Variants in DNAH14 observed in about 807,000 individuals in gnomAD.
DNAH14 encodes axonemal beta dynein heavy chain 14.
A neutral mutation model predicts 520.9 loss-of-function variants in DNAH14; 478 were observed. That is an observed-to-expected ratio of 0.92 (90% CI 0.85 to 0.99). The LOEUF is 0.99. DNAH14 is among the 50% of genes least tolerant of loss of function. The pLI is 0.00. For synonymous variants in DNAH14, 1,581 were observed against 1,757.2 expected, an observed-to-expected ratio of 0.90 and a Z score of 2.51; for missense variants, 4,831 against 5,234.5, an observed-to-expected ratio of 0.92 and a Z score of 2.38.
intron 6 of DNAH14, 137 bp downstream of exon 6, chr1:224,967,720 C>T (rs2061271898): frequency 3.2e-6 from 5 of 1,580,532 alleles, no homozygotes; most frequent in Non-Finnish European, 4.3e-6. Context: ...ATATAAGAAT[C>T]TCCTTGGGAG....
intron 44 of DNAH14, 107 bp from the exon 45 acceptor site, chr1:225,257,853 T>C (rs771822218): frequency 1.0e-6 from 1 of 962,842 alleles, no homozygotes; most frequent in Middle Eastern, 3.0e-4. Flanking sequence ...ACTTTTCATA[T>C]ATACAATTAA....
At chr1:225,146,544 G>T (rs1006797174) in intron 30 of DNAH14, among the ~76,000 whole-genome samples, 1 of 152,222 alleles carries the variant, frequency 6.6e-6, no homozygotes, top group African/African-American at 2.4e-5. Flanking sequence ...GCCAGCCTGG[G>T]CCTGCACTCT....
rs2084562625 is a variant in DNAH14 at position 225,185,358 on chromosome 1, A to G, written c.5603A>G (p.Glu1868Gly). 6.5e-7 allele frequency: 1 copy of G among 1,548,160 alleles called. No individual in the cohort carries two copies. Among genetic ancestry groups the G allele is most frequent in the Admixed American group, 2.0e-5 (1 of 50,380 alleles). The change falls in exon 37 of 86, where the codon GAA (glutamate) becomes GGA (glycine). Residue 1868 changes from glutamate (E) to glycine (G), a missense_variant. Coordinates refer to ENST00000682510, the MANE Select transcript of DNAH14 (RefSeq NM_001367479.1). ...GGKTTVRRILEKALTLLPIAD... is the reference protein window; with the variant it reads ...GGKTTVRRILGKALTLLPIAD... ...AAGACAACAGTCAGAAGAATTTTGG[A>G]AAAAGCATTAACGCTATTACCAATT...
intron 11 of DNAH14, among the ~76,000 whole-genome samples, chr1:225,033,089 C>T (rs946357312): frequency 2.0e-5 from 3 of 152,062 alleles, no homozygotes; most frequent in Non-Finnish European, 2.9e-5. Context: ...TAATTAGATC[C>T]TGTTTGTCAA....
chr1:225,373,656 C>A (rs2095647673), intron 77 of DNAH14, among the ~76,000 whole-genome samples: 2 of 152,106 alleles, frequency 1.3e-5, no homozygotes, highest in Non-Finnish European at 2.9e-5. Flanking sequence ...TCAATGGTGG[C>A]CTCAAGGGAG....
intron 30 of DNAH14, among the ~76,000 whole-genome samples, chr1:225,146,870 A>G (rs2079996234): frequency 1.4e-5 from 2 of 147,086 alleles, no homozygotes; most frequent in South Asian, 4.2e-4. Context: ...CCCTGTGAGC[A>G]TCAGAGTTTG....
In DNAH14 at chr1:225,104,312, T is replaced by C. The variant is rs911439664; in HGVS notation, c.3867+3428T>C. On this transcript the variant is annotated intron_variant, in intron 23 of 85. Coordinates refer to ENST00000682510, the MANE Select transcript of DNAH14 (RefSeq NM_001367479.1). ...CAGTATTTTATTGAGGATTTTTGCA[T>C]TGATGTTCATCAGGGATATTGGTCT... Among the ~76,000 whole-genome samples, 4 of 152,332 alleles carry C rather than the reference T, an allele frequency of 2.6e-5. No individual in the cohort carries two copies. In the South Asian group the frequency reaches 6.2e-4, roughly 24 times the overall value.
intron 22 of DNAH14, among the ~76,000 whole-genome samples, chr1:225,099,351 G>T (rs1433104452): frequency 2.0e-5 from 3 of 152,178 alleles, no homozygotes; most frequent in Non-Finnish European, 4.4e-5. Context: ...GGGCAAGGAA[G>T]AAGTGCAGGA....
intron 71 of DNAH14, 80 bp downstream of exon 71, chr1:225,346,734 T>G: frequency 9.1e-7 from 1 of 1,099,176 alleles, no homozygotes; most frequent in Non-Finnish European, 1.3e-6. Flanking sequence ...TCCAAGTCAA[T>G]GCCTCTATAA....
At chr1:225,152,641 T>G in intron 32 of DNAH14, 56 bp from the exon 33 acceptor site, 1 of 1,438,970 alleles carries the variant, frequency 6.9e-7, no homozygotes, top group Non-Finnish European at 9.3e-7. Flanking sequence ...TGTGATTCCT[T>G]ATTTGAAAAA....
At chr1:225,177,400 C>T (rs2083447952) in intron 36 of DNAH14, among the ~76,000 whole-genome samples, 1 of 152,158 alleles carries the variant, frequency 6.6e-6, no homozygotes, top group African/African-American at 2.4e-5. Flanking sequence ...ATCTCATTTT[C>T]TGAGGAGAAA....
chr1:225,229,245 A>G (rs2090862765), intron 41 of DNAH14, among the ~76,000 whole-genome samples: 1 of 152,166 alleles, frequency 6.6e-6, no homozygotes, highest in Non-Finnish European at 1.5e-5. Flanking sequence ...CCGTCGCTCA[A>G]CCAGAGTCTT....
intron 79 of DNAH14, among the ~76,000 whole-genome samples, 196 bp downstream of exon 79, chr1:225,377,632 C>T (rs1472041069): frequency 6.6e-6 from 1 of 151,902 alleles, no homozygotes; most frequent in African/African-American, 2.4e-5. Context: ...TAGTGGTGAG[C>T]ACCTGTAGTC....
chr1:225,192,652 G>A, intron 37 of DNAH14, 44 bp from the exon 38 acceptor site: 1 of 1,328,082 alleles, frequency 7.5e-7, no homozygotes, highest in African/African-American at 1.5e-5. Flanking sequence ...TAAATAATTG[G>A]TCTATAGTTA....
chr1:224,934,106 A>G (rs1193025281), intron 1 of DNAH14, among the ~76,000 whole-genome samples: 1 of 152,040 alleles, frequency 6.6e-6, no homozygotes, highest in African/African-American at 2.4e-5. Context: ...TATCAGCATA[A>G]AAACATAAAA....
chr1:224,944,320 CT>C (rs2059642106), intron 1 of DNAH14, among the ~76,000 whole-genome samples: 1 of 151,986 alleles, frequency 6.6e-6, no homozygotes, highest in Admixed American at 6.6e-5. Context: ...ATTGCAACCC[CT>C]TTTTTTGTTT....
chr1:225,361,470 AATG>A (rs1195303661), intron 75 of DNAH14, among the ~76,000 whole-genome samples: 3 of 152,222 alleles, frequency 2.0e-5, no homozygotes, highest in African/African-American at 7.2e-5. Flanking sequence ...GTGTTGAATC[AATG>A]ATGTTTCAAC....
At chr1:225,202,533 C>T (rs1473511671) in intron 38 of DNAH14, among the ~76,000 whole-genome samples, 1 of 152,136 alleles carries the variant, frequency 6.6e-6, no homozygotes, top group Non-Finnish European at 1.5e-5. Context: ...TAGTCTCACT[C>T]CCACTGTGTC....
At position 225,050,371 on chromosome 1, in the gene DNAH14, A is replaced by T; in HGVS notation, c.2074A>T (p.Asn692Tyr). Residue 692 changes from asparagine to tyrosine, a missense_variant, in exon 16 of 86, where the codon AAT (asparagine) becomes TAT (tyrosine). Physicochemically the swap from Asn to Tyr is moderately radical, Grantham distance 143 (BLOSUM62 -2). Coordinates refer to ENST00000682510, the MANE Select transcript of DNAH14 (RefSeq NM_001367479.1). ...ILFETDPAYQ[N>Y]IIVNLLTIIG... ...TTTTGAAACAGATCCTGCCTACCAA[A>T]ATATAGTAAGTTTTAAAACAGTTCA... is the stretch of plus-strand genomic sequence containing the variant. 6.5e-7 allele frequency: 1 copy of T among 1,541,980 alleles called. No homozygotes were observed. The highest frequency in any genetic ancestry group is 8.7e-7 in the Non-Finnish European group (1 of 1,144,172).
Sources: gnomAD v4.1 joint callset for allele counts (sites outside exome capture counted in the v4.1 genomes callset) on GRCh38, gnomAD v4.1.1 for gene constraint, MANE v1.5 for transcripts, NCBI Gene and HGNC (gene_info 2026-07-23, HGNC 2026-07-21) for gene names.